TYW1B: variants seen among roughly 807,000 people sequenced by gnomAD.
TYW1B encodes tRNA-yW synthesizing protein 1 homolog B.
A neutral mutation model predicts 86.9 loss-of-function variants in TYW1B; 73 were observed. The observed-to-expected ratio is 0.84, with a 90% CI of 0.70 to 1.02. TYW1B has a LOEUF of 1.02. Ranked by LOEUF, TYW1B falls within the 50% of genes least tolerant of loss-of-function variation. The pLI is 0.00. For missense variants in TYW1B, 637 were observed against 827.4 expected (o/e 0.77, Z 2.82); for synonymous variants, 248 against 292.8 (o/e 0.85, Z 1.56).
At chr7:72,783,636 T>C (rs574197443) in intron 6 of TYW1B, among the ~76,000 whole-genome samples, 2 of 152,344 alleles carry the variant, frequency 1.3e-5, no homozygotes, top group South Asian at 4.1e-4. Flanking sequence ...ATTTTCACCA[T>C]TACTCAAAGC....
Position 72,579,458 on chromosome 7 carries a change from A to G in TYW1B, c.1786-3739T>C, listed in dbSNP as rs62465948. Among the ~76,000 whole-genome samples the G allele has an allele frequency of 5.8e-3, 888 of 152,062 alleles. 11 individuals are homozygous for G. Among genetic ancestry groups the G allele is most frequent in the African/African-American group, 0.02 (841 of 41,448 alleles). Reference sequence around the variant, plus strand: ...CGTAACAAAATGCCATAGTGTGGGGAACTGAAACAACAGAAAATTCTTTTC... The same window carrying G: ...CGTAACAAAATGCCATAGTGTGGGGGACTGAAACAACAGAAAATTCTTTTC... On this transcript the variant is annotated intron_variant, in intron 13 of 13. Transcript: ENST00000620995.
chr7:72,777,506 A>C lies in TYW1B; in HGVS notation c.874T>G (p.Ser292Ala). 1 of 1,613,966 alleles carries C rather than the reference A, an allele frequency of 6.2e-7. No individual in the cohort carries two copies. Among genetic ancestry groups the C allele is most frequent in the Non-Finnish European group, 8.5e-7 (1 of 1,179,956 alleles). The change falls in exon 7 of 14, where the codon TCT becomes GCT. Residue 292 changes from serine (S) to alanine (A), a missense_variant. Coordinates refer to ENST00000620995, the MANE Select transcript of TYW1B (RefSeq NM_001145440.3). Reference sequence around the variant, plus strand: ...CTCCCCATGTTCCTGAACAAACCAGACTTCTCTTCCTGCTGTTCCTTTTCT... The same window carrying C: ...CTCCCCATGTTCCTGAACAAACCAGCCTTCTCTTCCTGCTGTTCCTTTTCT... ...KREKEQQEEK[S>A]GLFRNMGRNE...
intron 6 of TYW1B, among the ~76,000 whole-genome samples, chr7:72,779,631 C>T (rs1423199675): frequency 7.1e-6 from 1 of 141,758 alleles, no homozygotes; most frequent in African/African-American, 2.6e-5. Flanking sequence ...GCAGGAAAAT[C>T]GCTTGAACCC....
chr7:72,702,992 A>T (rs1478555612), intron 10 of TYW1B, among the ~76,000 whole-genome samples: 3 of 8,220 alleles, frequency 3.6e-4, no homozygotes, highest in African/African-American at 3.3e-4. Flanking sequence ...CTATCTATAT[A>T]TATATATATA....
chr7:72,827,785 CA>C (rs1356202477), intron 1 of TYW1B, among the ~76,000 whole-genome samples: 2 of 152,028 alleles, frequency 1.3e-5, no homozygotes, highest in African/African-American at 2.4e-5. Flanking sequence ...GCAGCAATTT[CA>C]AAAGTCGAAG....
intron 8 of TYW1B, among the ~76,000 whole-genome samples, chr7:72,736,903 T>C (rs1787205621): frequency 6.6e-6 from 1 of 152,198 alleles, no homozygotes; most frequent in African/African-American, 2.4e-5. Context: ...GTATATCTAC[T>C]TTTTGGATAT....
In TYW1B at chr7:72,715,949, G is replaced by C. The variant is rs183888884; in HGVS notation, c.1193-2151C>G. ...TTTGTTTGTTTGTTTGTTTGTTTTT[G>C]AGATGGAGTTGCGCTCCATCACCCA... On this transcript the variant is annotated intron_variant, in intron 9 of 13. Coordinates refer to ENST00000620995, the MANE Select transcript of TYW1B (RefSeq NM_001145440.3). Among the ~76,000 whole-genome samples, 118 of 152,124 alleles carry C rather than the reference G, an allele frequency of 7.8e-4. 1 individual carries two copies. Among genetic ancestry groups the C allele is most frequent in the African/African-American group, 2.6e-3 (106 of 41,506 alleles).
intron 13 of TYW1B, among the ~76,000 whole-genome samples, chr7:72,581,300 T>C (rs1204500110): frequency 1.7e-4 from 25 of 148,240 alleles, no homozygotes; most frequent in Admixed American, 6.1e-4. Flanking sequence ...CCAGGGACCA[T>C]TGCAAGCTGC....
At chr7:72,661,477 C>T (rs1381765625) in intron 11 of TYW1B, among the ~76,000 whole-genome samples, 3 of 149,164 alleles carry the variant, frequency 2.0e-5, no homozygotes, top group Non-Finnish European at 4.5e-5. Flanking sequence ...ATAATTATCA[C>T]GTGGATGCTG....
At chr7:72,596,179 C>CAAAAA (rs58325295) in intron 13 of TYW1B, among the ~76,000 whole-genome samples, 14 of 56,394 alleles carry the variant, frequency 2.5e-4, no homozygotes, top group South Asian at 7.7e-4. Flanking sequence ...AACTCTGTCT[C>CAAAAA]AAAAAAAAAA....
chr7:72,715,736 TAA>T (rs1193584679), intron 9 of TYW1B, among the ~76,000 whole-genome samples: 1 of 151,162 alleles, frequency 6.6e-6, no homozygotes, highest in Non-Finnish European at 1.5e-5. Context: ...CCCCTGAACT[TAA>T]GAGTTAAAAA....
At chr7:72,633,954 G>A (rs868984076) in intron 11 of TYW1B, among the ~76,000 whole-genome samples, 1 of 151,990 alleles carries the variant, frequency 6.6e-6, no homozygotes. Context: ...GCTTCTTTCA[G>A]TGAATTCGAT....
intron 10 of TYW1B, among the ~76,000 whole-genome samples, chr7:72,710,813 T>C (rs557621290): frequency 6.6e-6 from 1 of 152,276 alleles, no homozygotes; most frequent in East Asian, 1.9e-4. Context: ...GTCTCAAAAA[T>C]AAATAAACAA....
intron 7 of TYW1B, among the ~76,000 whole-genome samples, chr7:72,768,535 C>T (rs1320775326): frequency 2.0e-5 from 3 of 152,142 alleles, no homozygotes. Context: ...CGCCTGTAAT[C>T]CCAGCACTTT....
At chr7:72,765,804 GATTT>G (rs1476745852) in intron 7 of TYW1B, among the ~76,000 whole-genome samples, 1 of 152,078 alleles carries the variant, frequency 6.6e-6, no homozygotes, top group Non-Finnish European at 1.5e-5. Context: ...CCTCATGTCT[GATTT>G]ATGAACCACA....
At chr7:72,604,596 C>A (rs1337033030) in intron 13 of TYW1B, among the ~76,000 whole-genome samples, 3 of 152,228 alleles carry the variant, frequency 2.0e-5, no homozygotes, top group South Asian at 4.1e-4. Context: ...TAGGATATTG[C>A]CAATATGTGG....
chr7:72,727,811 C>CAAAAAAAAA, intron 9 of TYW1B, among the ~76,000 whole-genome samples: 1 of 107,660 alleles, frequency 9.3e-6, no homozygotes, highest in Non-Finnish European at 1.8e-5. Flanking sequence ...AGATCCGGTC[C>CAAAAAAAAA]AAAAAAAAAA....
intron 10 of TYW1B, among the ~76,000 whole-genome samples, chr7:72,708,134 C>G (rs186067924): frequency 5.3e-5 from 8 of 152,218 alleles, no homozygotes; most frequent in African/African-American, 1.9e-4. Context: ...CGAGAACAGA[C>G]TAATACACAG....
intron 3 of TYW1B, among the ~76,000 whole-genome samples, chr7:72,811,962 G>C (rs1554478424): frequency 6.7e-6 from 1 of 149,870 alleles, no homozygotes. Context: ...AATACAGAGA[G>C]ATCTCTAAAA....
Sources: gnomAD v4.1 joint callset for allele counts (sites outside exome capture counted in the v4.1 genomes callset) on GRCh38, gnomAD v4.1.1 for gene constraint, MANE v1.5 for transcripts, NCBI Gene and HGNC (gene_info 2026-07-23, HGNC 2026-07-21) for gene names.